CLIC5: variants seen among roughly 807,000 people sequenced by gnomAD.
CLIC5 encodes CLIC family member 5, also known as chloride intracellular channel protein 5.
In CLIC5, 20 loss-of-function variants were observed where a neutral mutation model predicts 24.7. The ratio of observed to expected loss-of-function variants is 0.81; its 90% confidence interval spans 0.57 to 1.18. The LOEUF (loss-of-function observed/expected upper bound fraction) is 1.18. Among genes scored for constraint, CLIC5 ranks in the 50% most tolerant of loss-of-function variants. CLIC5 has a pLI of 0.00. For missense variants in CLIC5, 341 were observed against 326.1 expected (o/e 1.05, Z -0.35); for synonymous variants, 159 against 135.6 (o/e 1.17, Z -1.20).
the CLIC5 span, among the ~76,000 whole-genome samples, chr6:46,115,248 T>C: frequency 6.6e-6 from 1 of 152,218 alleles, no homozygotes; most frequent in African/African-American, 2.4e-5. Context: ...GCCAGTACTC[T>C]ACTAGCTCCT....
intron 1 of CLIC5, among the ~76,000 whole-genome samples, chr6:45,967,427 C>G (rs1364557103): frequency 6.6e-6 from 1 of 152,136 alleles, no homozygotes; most frequent in East Asian, 1.9e-4. Flanking sequence ...AGGAAGGAGC[C>G]CACCTAAGGG....
At chr6:46,123,431 C>A in the CLIC5 span, among the ~76,000 whole-genome samples, 1 of 152,106 alleles carries the variant, frequency 6.6e-6, no homozygotes, top group Non-Finnish European at 1.5e-5. Context: ...TGGGAGGTAT[C>A]TAAAAATAAT....
intron 4 of CLIC5, among the ~76,000 whole-genome samples, chr6:45,922,441 T>A (rs1763299986): frequency 6.6e-6 from 1 of 152,222 alleles, no homozygotes; most frequent in African/African-American, 2.4e-5. Context: ...TAAAGAAGCA[T>A]CTTTTTATTT....
intron 1 of CLIC5, among the ~76,000 whole-genome samples, chr6:45,984,167 T>A (rs1450344056): frequency 6.6e-6 from 1 of 152,132 alleles, no homozygotes; most frequent in African/African-American, 2.4e-5. Context: ...CCCCTAGAGA[T>A]TTAAAAAAGT....
the CLIC5 span, among the ~76,000 whole-genome samples, chr6:46,100,587 G>A: frequency 1.3e-5 from 2 of 152,082 alleles, no homozygotes; most frequent in African/African-American, 4.8e-5. Context: ...CAATTTACTG[G>A]GGCTCAAGTG....
intron 1 of CLIC5, among the ~76,000 whole-genome samples, chr6:46,012,918 G>T (rs1766855761): frequency 1.3e-5 from 2 of 152,222 alleles, no homozygotes; most frequent in South Asian, 4.1e-4. Flanking sequence ...ATGATCAAAT[G>T]AGATAAGGTA....
intron 4 of CLIC5, among the ~76,000 whole-genome samples, chr6:45,914,836 A>T (rs1489775000): frequency 6.6e-6 from 1 of 150,830 alleles, no homozygotes; most frequent in African/African-American, 2.4e-5. Context: ...CTGTAGTCCC[A>T]GCTACTCGGG....
chr6:46,008,290 C>T (rs1766666340), intron 1 of CLIC5, among the ~76,000 whole-genome samples: 1 of 152,166 alleles, frequency 6.6e-6, no homozygotes, highest in African/African-American at 2.4e-5. Context: ...CTGAGCATCC[C>T]CATCTCCACA....
chr6:46,023,729 C>T (rs1373518607), intron 1 of CLIC5, among the ~76,000 whole-genome samples: 1 of 152,204 alleles, frequency 6.6e-6, no homozygotes, highest in East Asian at 1.9e-4. Flanking sequence ...TGTTGCATCA[C>T]CGTGCATTTT....
At chr6:45,957,729 T>C (rs1290761466) in intron 1 of CLIC5, among the ~76,000 whole-genome samples, 1 of 152,244 alleles carries the variant, frequency 6.6e-6, no homozygotes, top group Non-Finnish European at 1.5e-5. Flanking sequence ...TGCTACCATT[T>C]ACTTTCACTG....
chr6:45,935,809 G>GCCACCC (rs1763909271), intron 4 of CLIC5, among the ~76,000 whole-genome samples: 1 of 152,038 alleles, frequency 6.6e-6, no homozygotes, highest in Non-Finnish European at 1.5e-5. Context: ...GTAATGGGTG[G>GCCACCC]ATTCCACATG....
intron 1 of CLIC5, among the ~76,000 whole-genome samples, chr6:46,052,897 G>C (rs1330759594): frequency 3.3e-5 from 5 of 152,072 alleles, no homozygotes; most frequent in African/African-American, 9.7e-5. Context: ...CCAAAGGAAT[G>C]ATGATTGACT....
intron 1 of CLIC5, among the ~76,000 whole-genome samples, chr6:46,048,383 AT>A (rs1468368847): frequency 1.3e-5 from 2 of 152,168 alleles, no homozygotes; most frequent in Non-Finnish European, 2.9e-5. Flanking sequence ...AGGTTCACAA[AT>A]TCTAGGGCTG....
the CLIC5 span, among the ~76,000 whole-genome samples, chr6:46,119,371 A>T: frequency 6.6e-6 from 1 of 152,248 alleles, no homozygotes; most frequent in Non-Finnish European, 1.5e-5. Flanking sequence ...GTATAGTGCA[A>T]ACACATGGTC....
intron 1 of CLIC5, among the ~76,000 whole-genome samples, chr6:46,005,412 C>A (rs564460261): frequency 3.9e-5 from 6 of 152,172 alleles, no homozygotes; most frequent in Non-Finnish European, 8.8e-5. Context: ...TAACCAGAGA[C>A]GTGCTGCAAA....
rs1651012158 is a variant in CLIC5 at position 45,960,754 on chromosome 6, T to C, written c.64-5510A>G. On this transcript the variant is annotated intron_variant, in intron 1 of 5. Coordinates refer to ENST00000339561, the MANE Select transcript of CLIC5 (RefSeq NM_016929.5). ...GCCTTCTTCTCCACTAACACCTAGA[T>C]CCTGCTGCATGCTGTACCGATGCTG... is the stretch of plus-strand genomic sequence containing the variant. Among the ~76,000 whole-genome samples the C allele has an allele frequency of 2.6e-5, 4 of 152,186 alleles. No homozygotes were observed. In the South Asian group the frequency reaches 8.3e-4, roughly 32 times the overall value.
At chr6:46,105,988 C>G in the CLIC5 span, among the ~76,000 whole-genome samples, 1 of 152,208 alleles carries the variant, frequency 6.6e-6, no homozygotes, top group Admixed American at 6.5e-5. Context: ...GGGAGATGAG[C>G]TTGTCAAAGT....
At chr6:45,912,791 A>C (rs1232563584) in intron 5 of CLIC5, 4 of 1,248,210 alleles carry the variant, frequency 3.2e-6, no homozygotes, top group Non-Finnish European at 4.5e-6. Context: ...GTAGTTAATA[A>C]CTTCAAAGAG....
chr6:46,108,422 G>A, the CLIC5 span, among the ~76,000 whole-genome samples: 1 of 148,486 alleles, frequency 6.7e-6, no homozygotes, highest in Non-Finnish European at 1.5e-5. Context: ...GAGAGATGGA[G>A]TTTCATTCTT....
Sources: gnomAD v4.1 joint callset for allele counts (sites outside exome capture counted in the v4.1 genomes callset) on GRCh38, gnomAD v4.1.1 for gene constraint, MANE v1.5 for transcripts, NCBI Gene and HGNC (gene_info 2026-07-23, HGNC 2026-07-21) for gene names.